The following DPF3 variants were observed in gnomAD, a reference collection of about 807,000 sequenced individuals.
The protein encoded by DPF3 is zinc finger protein DPF3.
DPF3 carries 18 observed loss-of-function variants against 56.8 expected under a neutral mutation model. The observed-to-expected ratio is 0.32, with a 90% CI of 0.22 to 0.47. DPF3 has a LOEUF of 0.47. Among genes scored for constraint, DPF3 ranks in the 20% least tolerant of loss-of-function variants. The pLI, the probability that DPF3 is intolerant of heterozygous loss-of-function variation, is 1.00. For missense variants in DPF3, 403 were observed against 488.8 expected (o/e 0.82, Z 1.65); for synonymous variants, 188 against 180.2 (o/e 1.04, Z -0.35).
chr14:72,812,897 C>T (rs1333649584), intron 1 of DPF3, among the ~76,000 whole-genome samples: 1 of 152,130 alleles, frequency 6.6e-6, no homozygotes, highest in Non-Finnish European at 1.5e-5. Flanking sequence ...TCTGAGGATA[C>T]AGGCACTGGC....
At chr14:72,704,022 C>T (rs1253546840) in intron 6 of DPF3, among the ~76,000 whole-genome samples, 1 of 152,178 alleles carries the variant, frequency 6.6e-6, no homozygotes, top group African/African-American at 2.4e-5. Flanking sequence ...CTCTTGGAAA[C>T]CCACTAAGGT....
At chr14:72,829,635 C>T (rs1390650549) in intron 1 of DPF3, among the ~76,000 whole-genome samples, 3 of 152,186 alleles carry the variant, frequency 2.0e-5, no homozygotes, top group African/African-American at 7.2e-5. Flanking sequence ...CTGCCTGCCT[C>T]AGCCTCCCAA....
rs1322418241 is a variant in DPF3 at position 72,692,928 on chromosome 14, G to A, written c.742+148C>T. ...AGCTGCAGGGGCAGCTGGCTGGCTG[G>A]CTGAAAGGGCCAACACACTACAGCA... On this transcript the variant is annotated intron_variant, in intron 7 of 10. Transcript: ENST00000556509. The A allele has an allele frequency of 2.2e-6, 3 of 1,369,854 alleles. No homozygotes were observed. In the African/African-American group the frequency reaches 4.4e-5, roughly 20 times the overall value. The allele number at this position is 1,369,854 out of a possible 1,614,324, so 84.9% of individuals were successfully genotyped here.
At chr14:72,723,506 C>A in intron 5 of DPF3, 127 bp downstream of exon 5, 1 of 831,818 alleles carries the variant, frequency 1.2e-6, no homozygotes, top group South Asian at 2.0e-5. Context: ...CTGGAGTTTT[C>A]TCCTTTGAGC....
chr14:72,884,940 C>CTATA (rs773450437), intron 1 of DPF3, among the ~76,000 whole-genome samples: 1,320 of 29,588 alleles, frequency 0.045, 212 homozygotes, highest in East Asian at 0.1. Context: ...ACTAAAAATA[C>CTATA]TATATATATA....
At position 72,731,932 on chromosome 14, in the gene DPF3, C is replaced by G; in HGVS notation, c.304G>C (p.Val102Leu). ...KLRLLEIKPE[V>L]ELPLKKDGFT... ...CCATCCTTCTTCAGGGGAAGCTCCA[C>G]TTCTGAAAAACAAAGATAGAAAGGC... Residue 102 changes from valine to leucine, a missense_variant and splice_region_variant, in exon 4 of 11, where the codon GTG becomes CTG. Around this residue, in one of 2 missense-constraint regions of DPF3, gnomAD observed 340 missense variants for 374.3 expected, o/e 0.91. Coordinates refer to ENST00000556509, the MANE Select transcript of DPF3 (RefSeq NM_001280542.3). 6.3e-7 allele frequency: 1 copy of G among 1,579,908 alleles called. No individual in the cohort carries two copies. The highest frequency in any genetic ancestry group is 8.6e-7 in the Non-Finnish European group (1 of 1,162,802).
At chr14:72,758,517 T>C (rs1890933120) in intron 2 of DPF3, among the ~76,000 whole-genome samples, 1 of 152,188 alleles carries the variant, frequency 6.6e-6, no homozygotes. Flanking sequence ...AATGTGGAGA[T>C]CCAGAGGGTC....
chr14:72,683,672 C>T (rs143403893), intron 7 of DPF3, among the ~76,000 whole-genome samples: 3 of 152,202 alleles, frequency 2.0e-5, no homozygotes, highest in South Asian at 2.1e-4. Flanking sequence ...GGAGGTGAGT[C>T]GGAGAGGTGG....
At chr14:72,626,439 A>ATATTC (rs1159801985) in intron 9 of DPF3, among the ~76,000 whole-genome samples, 1 of 152,102 alleles carries the variant, frequency 6.6e-6, no homozygotes, top group Non-Finnish European at 1.5e-5. Flanking sequence ...CATACTATAG[A>ATATTC]TATTCTATTT....
intron 8 of DPF3, among the ~76,000 whole-genome samples, chr14:72,634,128 T>C (rs1243317227): frequency 6.6e-6 from 1 of 152,020 alleles, no homozygotes; most frequent in Non-Finnish European, 1.5e-5. Context: ...GAACTCCTTC[T>C]CCTCCACACT....
chr14:72,832,840 A>G (rs796381811), intron 1 of DPF3, among the ~76,000 whole-genome samples: 16 of 152,314 alleles, frequency 1.1e-4, no homozygotes, highest in African/African-American at 3.6e-4. Flanking sequence ...GGCCACATAT[A>G]TAACTCATAC....
At position 72,615,474 on chromosome 14, in the gene DPF3, T is replaced by C. The variant is rs775761982; in HGVS notation, c.*3823A>G. 1.4e-4 allele frequency among the ~76,000 whole-genome samples: 22 copies of C among 152,214 alleles called. No homozygotes were observed. The highest frequency in any genetic ancestry group is 2.5e-4 in the Non-Finnish European group (17 of 68,028). ...AAGCGGGCTGTATTCAAAGCACGAATACAAAAATGCACCAGGAGTGTGCAA... is the reference window on the plus strand; with the variant it reads ...AAGCGGGCTGTATTCAAAGCACGAACACAAAAATGCACCAGGAGTGTGCAA... On this transcript the variant is annotated 3_prime_UTR_variant, in exon 11 of 11. Coordinates refer to ENST00000556509, the MANE Select transcript of DPF3 (RefSeq NM_001280542.3).
chr14:72,743,497 C>G (rs1336665761), intron 3 of DPF3, among the ~76,000 whole-genome samples: 1 of 151,376 alleles, frequency 6.6e-6, no homozygotes, highest in East Asian at 1.9e-4. Flanking sequence ...GACCGAAGGT[C>G]TGGGGTTGAA....
intron 7 of DPF3, 91 bp from the exon 8 acceptor site, chr14:72,674,459 C>A: frequency 6.7e-7 from 1 of 1,483,980 alleles, no homozygotes; most frequent in East Asian, 2.4e-5. Context: ...GAATCTGCTC[C>A]AGAAGGAATC....
At chr14:72,631,573 T>G (rs536255590) in intron 8 of DPF3, among the ~76,000 whole-genome samples, 1 of 152,154 alleles carries the variant, frequency 6.6e-6, no homozygotes, top group African/African-American at 2.4e-5. Flanking sequence ...GATGCTCATA[T>G]AGGCAAGTTG....
intron 8 of DPF3, among the ~76,000 whole-genome samples, chr14:72,636,684 C>G (rs1885392259): frequency 1.3e-5 from 2 of 152,198 alleles, no homozygotes; most frequent in African/African-American, 4.8e-5. Context: ...ATTTCTCAAG[C>G]CCTGCTTTGT....
Position 72,667,110 on chromosome 14 carries a change from C to T in DPF3, c.871+7130G>A, listed in dbSNP as rs554799225. ...GTAAGCAGGAACCCTTAAAGGGATG[C>T]TATTGATGTGAACATCACATTTTTT... On this transcript the variant is annotated intron_variant, in intron 8 of 10. Coordinates refer to ENST00000556509, the MANE Select transcript of DPF3 (RefSeq NM_001280542.3). 1.2e-4 allele frequency among the ~76,000 whole-genome samples: 18 copies of T among 152,256 alleles called. No individual in the cohort carries two copies. In the East Asian group the frequency reaches 2.5e-3, roughly 21 times the overall value.
At chr14:72,688,243 A>ATGGATGGG (rs1887509873) in intron 7 of DPF3, among the ~76,000 whole-genome samples, 1 of 83,370 alleles carries the variant, frequency 1.2e-5, no homozygotes, top group African/African-American at 4.6e-5. Context: ...GATGGGATGG[A>ATGGATGGG]TGGATGGGTG....
At chr14:72,796,961 TAAG>T (rs1163089856) in intron 1 of DPF3, among the ~76,000 whole-genome samples, 3 of 152,162 alleles carry the variant, frequency 2.0e-5, no homozygotes, top group Admixed American at 2.0e-4. Context: ...GCCAAGCCAG[TAAG>T]AAGACAGGAC....
Sources: gnomAD v4.1 joint callset for allele counts (sites outside exome capture counted in the v4.1 genomes callset) on GRCh38, gnomAD v4.1.1 for gene constraint, gnomAD v4.1.1 regional missense constraint, MANE v1.5 for transcripts, NCBI Gene and HGNC (gene_info 2026-07-23, HGNC 2026-07-21) for gene names.